The following PLOD2 variants were observed in gnomAD, a reference collection of about 807,000 sequenced individuals.
PLOD2 encodes lysine hydroxylase 2.
PLOD2 carries 65 observed loss-of-function variants against 101.0 expected under a neutral mutation model. The observed-to-expected ratio is 0.64, with a 90% confidence interval of 0.53 to 0.79. PLOD2 has a LOEUF of 0.79. Ranked by LOEUF, PLOD2 falls within the 30% of genes least tolerant of loss-of-function variation. The probability of loss-of-function intolerance (pLI) is 0.00; values close to 1 mark genes in which losing one functional copy is unlikely to be tolerated. For synonymous variants in PLOD2, 314 were observed against 302.9 expected, an observed-to-expected ratio of 1.04 and a Z score of -0.38; for missense variants, 909 against 914.6, an observed-to-expected ratio of 0.99 and a Z score of 0.08.
chr3:146,148,332 AGG>A (rs2031882465), intron 1 of PLOD2, among the ~76,000 whole-genome samples: 2 of 92,678 alleles, frequency 2.2e-5, no homozygotes, highest in Non-Finnish European at 2.3e-5. Flanking sequence ...GCAGGCAGGC[AGG>A]CACGCACACA....
At chr3:146,153,993 AGAT>A (rs1335816174) in intron 1 of PLOD2, among the ~76,000 whole-genome samples, 4 of 152,212 alleles carry the variant, frequency 2.6e-5, no homozygotes, top group Admixed American at 2.0e-4. Flanking sequence ...TTAAATGAGC[AGAT>A]GATTAGTTAA....
chr3:146,078,722 A>G (rs1175271436), intron 13 of PLOD2, among the ~76,000 whole-genome samples: 1 of 151,902 alleles, frequency 6.6e-6, no homozygotes, highest in Admixed American at 6.6e-5. Flanking sequence ...TAATTTTAGA[A>G]CAAAAATATT....
intron 14 of PLOD2, 50 bp from the exon 15 acceptor site, chr3:146,076,945 A>G: frequency 1.4e-6 from 2 of 1,388,592 alleles, no homozygotes; most frequent in Non-Finnish European, 2.0e-6. Context: ...GTACAAAAGT[A>G]AATTTAATCA....
At chr3:146,147,003 G>A (rs1016959722) in intron 1 of PLOD2, among the ~76,000 whole-genome samples, 3 of 152,180 alleles carry the variant, frequency 2.0e-5, no homozygotes, top group African/African-American at 7.2e-5. Context: ...TATAGGCAGA[G>A]AAGCTTCCGA....
At chr3:146,130,058 A>C (rs975046641) in intron 1 of PLOD2, among the ~76,000 whole-genome samples, 5 of 152,170 alleles carry the variant, frequency 3.3e-5, no homozygotes, top group Admixed American at 6.6e-5. Context: ...ATGTGGTCCT[A>C]GGTTACTTCT....
In PLOD2 at chr3:146,137,798, T is replaced by TA. The variant is rs2031318816; in HGVS notation, c.110-13570dup. Among the ~76,000 whole-genome samples, 3 of 151,582 alleles carry TA rather than the reference T, an allele frequency of 2.0e-5. No homozygotes were observed. The South Asian group carries it at 6.3e-4, about 32-fold the overall frequency. On this transcript the variant is annotated intron_variant, in intron 1 of 19. Coordinates refer to ENST00000282903, the MANE Select transcript of PLOD2 (RefSeq NM_182943.3). Reference sequence around the variant, plus strand: ...GGATGACGCTCAACAGGGATCACACTAAAAAAAATACCATCCTAGGTATGC... The same window carrying TA: ...GGATGACGCTCAACAGGGATCACACTAAAAAAAAATACCATCCTAGGTATGC...
chr3:146,074,664 T>C (rs1030737502), intron 15 of PLOD2, among the ~76,000 whole-genome samples: 5 of 151,334 alleles, frequency 3.3e-5, no homozygotes, highest in Middle Eastern at 3.2e-3. Flanking sequence ...CTTTTACCTA[T>C]AGCATTTTTC....
At chr3:146,114,754 A>C (rs1269010691) in intron 3 of PLOD2, among the ~76,000 whole-genome samples, 1 of 152,194 alleles carries the variant, frequency 6.6e-6, no homozygotes, top group Non-Finnish European at 1.5e-5. Context: ...GAATAAACTA[A>C]GAAAGAGGAA....
At chr3:146,080,555 G>A (rs1936502180) in intron 12 of PLOD2, among the ~76,000 whole-genome samples, 1 of 151,824 alleles carries the variant, frequency 6.6e-6, no homozygotes, top group Non-Finnish European at 1.5e-5. Flanking sequence ...CCTTCGTGTA[G>A]CTTTTGGACA....
Position 146,160,871 on chromosome 3 carries a change from G to C in PLOD2, c.109+10C>G. On this transcript the variant is annotated intron_variant, in intron 1 of 19. Transcript: ENST00000282903. ...CCTCGCGGGACAGCGGCGGACCGCGGGGTGCTCACCTGTGGGGATGCTCGA... is the reference window on the plus strand; with the variant it reads ...CCTCGCGGGACAGCGGCGGACCGCGCGGTGCTCACCTGTGGGGATGCTCGA... 1 of 1,522,676 alleles carries C rather than the reference G, an allele frequency of 6.6e-7. No individual in the cohort carries two copies. 94.3% of individuals were successfully genotyped at this position (1,522,676 alleles called of 1,614,324 possible).
chr3:146,133,189 T>C (rs962213749), intron 1 of PLOD2, among the ~76,000 whole-genome samples: 2 of 151,954 alleles, frequency 1.3e-5, no homozygotes, highest in African/African-American at 4.8e-5. Flanking sequence ...AAAATAAAAA[T>C]AAAAGGCTCC....
At chr3:146,109,522 C>G (rs761379633) in intron 4 of PLOD2, among the ~76,000 whole-genome samples, 1 of 152,330 alleles carries the variant, frequency 6.6e-6, no homozygotes, top group African/African-American at 2.4e-5. Context: ...GTTATATACA[C>G]GTAGATCACC....
intron 15 of PLOD2, chr3:146,076,294 G>A (rs1319605144): frequency 6.6e-6 from 1 of 152,014 alleles, no homozygotes; most frequent in East Asian, 1.9e-4. Flanking sequence ...TTTTATGGCT[G>A]TATAGTATTC....
chr3:146,091,110 A>G (rs1392817454), intron 8 of PLOD2, among the ~76,000 whole-genome samples: 1 of 151,900 alleles, frequency 6.6e-6, no homozygotes, highest in Non-Finnish European at 1.5e-5. Context: ...AACATGAATG[A>G]TAAAATATAA....
chr3:146,112,849 CAAA>C (rs201790733), intron 3 of PLOD2, among the ~76,000 whole-genome samples: 1 of 92,138 alleles, frequency 1.1e-5, no homozygotes. Context: ...GACTTGGTCT[CAAA>C]AAAAAAAAAA....
chr3:146,149,513 C>T (rs1489921462), intron 1 of PLOD2, among the ~76,000 whole-genome samples: 3 of 152,116 alleles, frequency 2.0e-5, no homozygotes, highest in Non-Finnish European at 4.4e-5. Context: ...GTAACACAGC[C>T]ATTCAGTGAG....
In PLOD2 at chr3:146,081,872, A is replaced by C. The variant is rs1405271183; in HGVS notation, c.1233-9T>G. 6.2e-7 allele frequency: 1 copy of C among 1,610,596 alleles called. No homozygotes were observed. The highest frequency in any genetic ancestry group is 1.1e-5 in the South Asian group (1 of 90,956). On this transcript the variant is annotated splice_polypyrimidine_tract_variant and intron_variant, in intron 11 of 19. Coordinates refer to ENST00000282903, the MANE Select transcript of PLOD2 (RefSeq NM_182943.3). ...GAGGAGCAATGATCTTTCTAAAGAC[A>C]GAGAGAGTGTGTGTGAGAGAGAGAA...
intron 7 of PLOD2, among the ~76,000 whole-genome samples, chr3:146,098,135 G>C (rs1425260989): frequency 1.3e-5 from 2 of 152,062 alleles, no homozygotes; most frequent in Non-Finnish European, 2.9e-5. Flanking sequence ...GGATTGACAG[G>C]TGCAGCAAAC....
At chr3:146,154,220 T>C (rs1559875643) in intron 1 of PLOD2, among the ~76,000 whole-genome samples, 2 of 152,212 alleles carry the variant, frequency 1.3e-5, no homozygotes, top group African/African-American at 4.8e-5. Flanking sequence ...ATTAAAAGTC[T>C]ATTGAGTATA....
Sources: gnomAD v4.1 joint callset for allele counts (sites outside exome capture counted in the v4.1 genomes callset) on GRCh38, gnomAD v4.1.1 for gene constraint, MANE v1.5 for transcripts, NCBI Gene and HGNC (gene_info 2026-07-23, HGNC 2026-07-21) for gene names.